The following TAF2 variants were observed in gnomAD, a reference collection of about 807,000 sequenced individuals.
The protein encoded by TAF2 is TATA-box binding protein associated factor 2.
TAF2 carries 61 observed loss-of-function variants against 138.5 expected under a neutral mutation model. That is an observed-to-expected ratio of 0.44 (90% CI 0.36 to 0.54). The LOEUF is 0.54. Ranked by LOEUF, TAF2 falls within the 20% of genes least tolerant of loss-of-function variation. The pLI is 0.00. For missense variants in TAF2, 1,090 were observed against 1,427.9 expected (o/e 0.76, Z 3.81); for synonymous variants, 475 against 469.9 (o/e 1.01, Z -0.14).
intron 23 of TAF2, among the ~76,000 whole-genome samples, chr8:119,745,234 C>T (rs1819876901): frequency 6.6e-6 from 1 of 152,100 alleles, no homozygotes; most frequent in Non-Finnish European, 1.5e-5. Flanking sequence ...TTTAAGTGAA[C>T]TTTTAGAGGT....
At chr8:119,733,623 C>A (rs978158728) in intron 25 of TAF2, among the ~76,000 whole-genome samples, 1 of 152,128 alleles carries the variant, frequency 6.6e-6, no homozygotes, top group Non-Finnish European at 1.5e-5. Context: ...AATCCTTGGG[C>A]CATACTCTGA....
intron 24 of TAF2, 55 bp from the exon 25 acceptor site, chr8:119,742,711 A>G: frequency 6.4e-7 from 1 of 1,570,096 alleles, no homozygotes; most frequent in Non-Finnish European, 8.7e-7. Flanking sequence ...TTCCCAAAAG[A>G]AAAAAAAAGG....
chr8:119,789,801 T>C (rs967492573), intron 11 of TAF2, 55 bp from the exon 12 acceptor site: 27 of 1,516,994 alleles, frequency 1.8e-5, no homozygotes, highest in Middle Eastern at 1.8e-4. Context: ...TTCAATTATA[T>C]AGAATACTCA....
Position 119,742,649 on chromosome 8 carries a change from CGA to C in TAF2, c.3220_3221del (p.Ser1074GlufsTer6). 6.2e-7 allele frequency: 1 copy of C among 1,613,436 alleles called. No homozygotes were observed. ...ATCGGGAGCTAGCTGGCCGATATTT[CGA>C]GAGCCCTAAAATGCCAAACAAGAGA... ...MLERPSTPGL[S>X]KYRPASSRSA... On this transcript the variant is annotated frameshift_variant, in exon 25 of 26. Transcript: ENST00000378164. LOFTEE classifies it high-confidence loss of function.
intron 3 of TAF2, among the ~76,000 whole-genome samples, chr8:119,817,320 C>G (rs1440006548): frequency 6.6e-6 from 1 of 152,096 alleles, no homozygotes; most frequent in Non-Finnish European, 1.5e-5. Flanking sequence ...AGCTTTGCCT[C>G]CTGTCAGATC....
chr8:119,799,123 G>A (rs1049454895), intron 6 of TAF2, among the ~76,000 whole-genome samples: 6 of 150,022 alleles, frequency 4.0e-5, no homozygotes, highest in African/African-American at 9.9e-5. Flanking sequence ...ATACAAAATC[G>A]GTACTAATCA....
At chr8:119,788,758 C>A in intron 13 of TAF2, 32 bp downstream of exon 13, 1 of 1,423,388 alleles carries the variant, frequency 7.0e-7, no homozygotes, top group Non-Finnish European at 9.9e-7. Flanking sequence ...GAGGAGATAG[C>A]AGTACAAAGG....
chr8:119,806,257 C>T, intron 4 of TAF2, 26 bp downstream of exon 4: 3 of 1,564,364 alleles, frequency 1.9e-6, no homozygotes, highest in South Asian at 1.1e-5. Context: ...TTTTAGTGTA[C>T]AGTCAATATA....
chr8:119,750,570 T>C (rs1410944646), intron 22 of TAF2, among the ~76,000 whole-genome samples: 1 of 152,158 alleles, frequency 6.6e-6, no homozygotes, highest in Non-Finnish European at 1.5e-5. Context: ...AGCAAACTCA[T>C]TTCTATTTAT....
At position 119,801,800 on chromosome 8, in the gene TAF2, CATGT is replaced by C; in HGVS notation, c.782_785del (p.Tyr261CysfsTer16). ...GAGGAAAGCTCTGACTTACCTCATG[CATGT>C]ATGGATCTACCAGTATTTCAAATGG... On this transcript the variant is annotated frameshift_variant, in exon 6 of 26. Coordinates refer to ENST00000378164, the MANE Select transcript of TAF2 (RefSeq NM_003184.4). LOFTEE classifies it high-confidence loss of function. The C allele has an allele frequency of 6.2e-7, 1 of 1,613,600 alleles. No homozygotes were observed. The highest frequency in any genetic ancestry group is 8.5e-7 in the Non-Finnish European group (1 of 1,179,582).
At chr8:119,767,834 G>A (rs897480578) in intron 18 of TAF2, among the ~76,000 whole-genome samples, 3 of 152,178 alleles carry the variant, frequency 2.0e-5, no homozygotes, top group Non-Finnish European at 4.4e-5. Context: ...TTTGGCTGTG[G>A]CCCAGTGTAG....
chr8:119,791,276 A>G (rs771954030), intron 11 of TAF2, 48 bp downstream of exon 11: 3 of 1,601,530 alleles, frequency 1.9e-6, no homozygotes, highest in Non-Finnish European at 1.7e-6. Context: ...GATTATACAC[A>G]TACAGATCTT....
Position 119,832,612 on chromosome 8 carries a change from G to A in TAF2, c.-48C>T. 1.3e-6 allele frequency: 2 copies of A among 1,569,120 alleles called. No individual in the cohort carries two copies. Among genetic ancestry groups the A allele is most frequent in the Non-Finnish European group, 1.7e-6 (2 of 1,146,522 alleles). ...CTTCCCGGCTTCCTAGGGGGATACG[G>A]GGCATTACTAGTCTTTGGCACCTCA... On this transcript the variant is annotated 5_prime_UTR_variant, in exon 1 of 26. Coordinates refer to ENST00000378164, the MANE Select transcript of TAF2 (RefSeq NM_003184.4).
chr8:119,742,913 A>G (rs1290366429), intron 24 of TAF2, among the ~76,000 whole-genome samples: 2 of 151,992 alleles, frequency 1.3e-5, no homozygotes, highest in Non-Finnish European at 2.9e-5. Flanking sequence ...TACTAAAAAT[A>G]CAAAAATTAG....
intron 22 of TAF2, among the ~76,000 whole-genome samples, chr8:119,749,975 C>T (rs923936108): frequency 3.3e-5 from 5 of 152,130 alleles, no homozygotes; most frequent in African/African-American, 1.2e-4. Context: ...AGTAGGAAAC[C>T]CAGTATTAAT....
chr8:119,829,875 T>G (rs1826332780), intron 2 of TAF2, among the ~76,000 whole-genome samples: 1 of 150,840 alleles, frequency 6.6e-6, no homozygotes, highest in Non-Finnish European at 1.5e-5. Context: ...TTTTTTTTTT[T>G]TTGAGACGGA....
intron 14 of TAF2, 51 bp downstream of exon 14, chr8:119,788,287 T>C (rs1823168262): frequency 6.7e-7 from 1 of 1,500,912 alleles, no homozygotes; most frequent in Non-Finnish European, 9.3e-7. Flanking sequence ...CATTTTAGTC[T>C]GTGAGATTTG....
At chr8:119,823,747 A>G (rs1007293310) in intron 2 of TAF2, among the ~76,000 whole-genome samples, 2 of 152,200 alleles carry the variant, frequency 1.3e-5, no homozygotes, top group African/African-American at 4.8e-5. Context: ...CAGAGGTTGG[A>G]ACAGTTTAGA....
At chr8:119,752,907 C>T (rs543633228) in intron 22 of TAF2, among the ~76,000 whole-genome samples, 2 of 152,244 alleles carry the variant, frequency 1.3e-5, no homozygotes, top group South Asian at 4.2e-4. Flanking sequence ...CCAGATAACG[C>T]TTATCTCAAG....
Sources: gnomAD v4.1 joint callset for allele counts (sites outside exome capture counted in the v4.1 genomes callset) on GRCh38, gnomAD v4.1.1 for gene constraint, MANE v1.5 for transcripts, NCBI Gene and HGNC (gene_info 2026-07-23, HGNC 2026-07-21) for gene names.